Variants in DNAH11 observed in about 807,000 individuals in gnomAD.
The protein encoded by DNAH11 is dynein axonemal heavy chain 11.
Under a neutral mutation model 526.0 loss-of-function variants are expected in DNAH11, and 442 were observed. The ratio of observed to expected loss-of-function variants is 0.84; its 90% confidence interval spans 0.78 to 0.91. The LOEUF (loss-of-function observed/expected upper bound fraction) is 0.91. Ranked by LOEUF, DNAH11 falls within the 40% of genes least tolerant of loss-of-function variation. DNAH11 has a pLI of 0.00. For synonymous variants in DNAH11, 2,461 were observed against 1,935.9 expected (o/e 1.27, Z -7.12); for missense variants, 6,989 against 5,448.7 (o/e 1.28, Z -8.90).
At chr7:21,639,276 C>G (rs1229828740) in intron 28 of DNAH11, among the ~76,000 whole-genome samples, 4 of 152,130 alleles carry the variant, frequency 2.6e-5, no homozygotes, top group Admixed American at 2.6e-4. Flanking sequence ...TAAAGAGGAA[C>G]TATATTCAGT....
At chr7:21,804,841 T>C (rs930764754) in intron 62 of DNAH11, among the ~76,000 whole-genome samples, 2 of 152,136 alleles carry the variant, frequency 1.3e-5, no homozygotes, top group Non-Finnish European at 1.5e-5. Flanking sequence ...ACTCCTTCAC[T>C]CAGAACTCCC....
intron 55 of DNAH11, among the ~76,000 whole-genome samples, chr7:21,766,360 G>T (rs1446101707): frequency 6.6e-6 from 1 of 152,142 alleles, no homozygotes; most frequent in Non-Finnish European, 1.5e-5. Flanking sequence ...AGTGATTGTG[G>T]ACATTTCCCA....
At chr7:21,613,606 C>A (rs1452488003) in intron 20 of DNAH11, among the ~76,000 whole-genome samples, 1 of 152,078 alleles carries the variant, frequency 6.6e-6, no homozygotes, top group Non-Finnish European at 1.5e-5. Flanking sequence ...GTTCACAAGA[C>A]TTCTTGTACA....
At chr7:21,822,122 T>C (rs1279199818) in intron 65 of DNAH11, among the ~76,000 whole-genome samples, 1 of 152,182 alleles carries the variant, frequency 6.6e-6, no homozygotes, top group Admixed American at 6.5e-5. Context: ...TGTTTTGCAT[T>C]GCTATAAAGG....
intron 67 of DNAH11, 108 bp downstream of exon 67, chr7:21,852,739 G>A: frequency 8.3e-7 from 1 of 1,202,976 alleles, no homozygotes; most frequent in South Asian, 2.2e-5. Context: ...GGACCAGCGT[G>A]TGGAATTCAG....
chr7:21,781,944 T>G (rs367639292), intron 57 of DNAH11, among the ~76,000 whole-genome samples: 7 of 152,218 alleles, frequency 4.6e-5, no homozygotes, highest in African/African-American at 1.7e-4. Context: ...TCTGCTGATG[T>G]GTCTTGTGTG....
Position 21,818,204 on chromosome 7 carries a change from A to G in DNAH11, c.10569-13A>G. 2 of 1,606,470 alleles carry G rather than the reference A, an allele frequency of 1.2e-6. No homozygotes were observed. Among genetic ancestry groups the G allele is most frequent in the East Asian group, 2.2e-5 (1 of 44,702 alleles). ...TTTACATTTTATTATCTCAAATCCC[A>G]CTGAATTTTAAGGTTTTTGAATGCC... On this transcript the variant is annotated splice_polypyrimidine_tract_variant and intron_variant, in intron 64 of 81. Coordinates refer to ENST00000409508, the MANE Select transcript of DNAH11 (RefSeq NM_001277115.2).
chr7:21,569,958 G>C, intron 6 of DNAH11, 111 bp from the exon 7 acceptor site: 1 of 841,198 alleles, frequency 1.2e-6, no homozygotes, highest in Non-Finnish European at 1.8e-6. Flanking sequence ...CAGCATTGCT[G>C]GCCCAACTTT....
At chr7:21,860,234 C>T (rs1442158925) in intron 68 of DNAH11, among the ~76,000 whole-genome samples, 2 of 151,708 alleles carry the variant, frequency 1.3e-5, no homozygotes, top group Non-Finnish European at 2.9e-5. Flanking sequence ...TAGGGAGATG[C>T]AACTCAAAAC....
chr7:21,569,868 C>T lies in DNAH11; in HGVS notation c.1195-201C>T, dbSNP rs556915564. Among the ~76,000 whole-genome samples, 104 of 152,302 alleles carry T rather than the reference C, an allele frequency of 6.8e-4. 1 individual carries two copies. Among genetic ancestry groups the T allele is most frequent in the African/African-American group, 2.4e-3 (100 of 41,570 alleles). ...AAAAATCCAGAAATAGTAGGGTCTCCTGTATGTAATTCTAACTTATACAAG... is the reference window on the plus strand; with the variant it reads ...AAAAATCCAGAAATAGTAGGGTCTCTTGTATGTAATTCTAACTTATACAAG... On this transcript the variant is annotated intron_variant, in intron 6 of 81. Coordinates refer to ENST00000409508, the MANE Select transcript of DNAH11 (RefSeq NM_001277115.2).
At chr7:21,568,431 C>A (rs1783757550) in intron 6 of DNAH11, among the ~76,000 whole-genome samples, 1 of 152,128 alleles carries the variant, frequency 6.6e-6, no homozygotes, top group Admixed American at 6.6e-5. Context: ...GGAAATAGAT[C>A]CTCTGAGACA....
chr7:21,658,412 C>G (rs990101071), intron 29 of DNAH11, among the ~76,000 whole-genome samples: 1 of 152,098 alleles, frequency 6.6e-6, no homozygotes, highest in African/African-American at 2.4e-5. Context: ...ACTCATACCT[C>G]TATAGGTGTC....
intron 40 of DNAH11, 26 bp downstream of exon 40, chr7:21,707,861 C>T (rs1784329961): frequency 6.5e-7 from 1 of 1,535,332 alleles, no homozygotes; most frequent in South Asian, 1.3e-5. Flanking sequence ...TAGAAGTGCT[C>T]AATTTTTTTT....
At chr7:21,577,624 T>G (rs1280352425) in intron 8 of DNAH11, among the ~76,000 whole-genome samples, 1 of 152,056 alleles carries the variant, frequency 6.6e-6, no homozygotes, top group African/African-American at 2.4e-5. Context: ...AACCCAGCGG[T>G]AACAAGGAGC....
chr7:21,585,630 A>G lies in DNAH11; in HGVS notation c.1711-2434A>G, dbSNP rs190644390. ...GGCTCTCTAAAATTTACATGAAGGTAAACCGAAGTGTGTAAAAAAAATTGT... is the reference window on the plus strand; with the variant it reads ...GGCTCTCTAAAATTTACATGAAGGTGAACCGAAGTGTGTAAAAAAAATTGT... On this transcript the variant is annotated intron_variant, in intron 9 of 81. Coordinates refer to ENST00000409508, the MANE Select transcript of DNAH11 (RefSeq NM_001277115.2). Among the ~76,000 whole-genome samples the G allele has an allele frequency of 2.6e-5, 4 of 152,352 alleles. No homozygotes were observed. The East Asian group carries it at 7.7e-4, about 29-fold the overall frequency.
intron 54 of DNAH11, among the ~76,000 whole-genome samples, chr7:21,763,552 G>C (rs1787026100): frequency 6.6e-6 from 1 of 151,488 alleles, no homozygotes; most frequent in African/African-American, 2.4e-5. Context: ...TACACTATTG[G>C]TGGGAATGTA....
chr7:21,567,601 A>G (rs1169088978), intron 6 of DNAH11, among the ~76,000 whole-genome samples: 3 of 152,192 alleles, frequency 2.0e-5, no homozygotes, highest in African/African-American at 7.2e-5. Flanking sequence ...GTAACTTCAA[A>G]TGCCCCTTAA....
At chr7:21,718,937 G>A (rs114009091) in intron 43 of DNAH11, among the ~76,000 whole-genome samples, 2,045 of 152,256 alleles carry the variant, frequency 0.013, 44 homozygotes, top group African/African-American at 0.047. Flanking sequence ...ATTTCCGAAA[G>A]CAGGTCTGAA....
intron 66 of DNAH11, among the ~76,000 whole-genome samples, chr7:21,844,728 T>TG (rs1782348896): frequency 6.6e-6 from 1 of 152,200 alleles, no homozygotes; most frequent in South Asian, 2.1e-4. Context: ...AAACTCTGGT[T>TG]GGGGGTCCAG....
Sources: gnomAD v4.1 joint callset for allele counts (sites outside exome capture counted in the v4.1 genomes callset) on GRCh38, gnomAD v4.1.1 for gene constraint, MANE v1.5 for transcripts, NCBI Gene and HGNC (gene_info 2026-07-23, HGNC 2026-07-21) for gene names.